RYR2: variants seen among roughly 807,000 people sequenced by gnomAD.
RYR2 encodes the protein cardiac muscle ryanodine receptor-calcium release channel.
RYR2 carries 227 observed loss-of-function variants against 601.1 expected under a neutral mutation model. That is an observed-to-expected ratio of 0.38 (90% CI 0.34 to 0.42). RYR2 has a LOEUF of 0.42. Among genes scored for constraint, RYR2 ranks in the 10% least tolerant of loss-of-function variants. The probability of loss-of-function intolerance (pLI) is 1.00; values close to 1 mark genes in which losing one functional copy is unlikely to be tolerated. For missense variants in RYR2, 4,646 were observed against 6,156.5 expected (o/e 0.75, Z 8.21); for synonymous variants, 2,223 against 2,175.1 (o/e 1.02, Z -0.61).
At chr1:237,588,476 C>T (rs371216380) in intron 29 of RYR2, among the ~76,000 whole-genome samples, 1 of 152,104 alleles carries the variant, frequency 6.6e-6, no homozygotes, top group East Asian at 1.9e-4. Context: ...AATTTGTAGT[C>T]TGCATTCCAA....
At chr1:237,187,965 C>T (rs1229580342) in intron 1 of RYR2, among the ~76,000 whole-genome samples, 26 of 152,188 alleles carry the variant, frequency 1.7e-4, no homozygotes, top group Non-Finnish European at 2.9e-5. Context: ...ATTGTGCATA[C>T]TTCTCAATGA....
chr1:237,098,240 C>A (rs1287942962), intron 1 of RYR2, among the ~76,000 whole-genome samples: 1 of 152,136 alleles, frequency 6.6e-6, no homozygotes, highest in Non-Finnish European at 1.5e-5. Context: ...ATTTTAATTT[C>A]TTCTCCAGCT....
Position 237,623,847 on chromosome 1 carries a change from A to G in RYR2, c.5999A>G (p.His2000Arg), listed in dbSNP as rs1679359996. The change falls in exon 39 of 105, where the codon CAT (histidine) becomes CGT (arginine). Residue 2000 changes from histidine (H) to arginine (R), a missense_variant. Transcript: ENST00000366574. Reference protein sequence around the residue: ...EEIRDQLLDFHEDLMTHCGIE... With the variant: ...EEIRDQLLDFREDLMTHCGIE... Reference sequence around the variant, plus strand: ...ATTCGTGACCAACTATTGGATTTCCATGAAGATTTGATGACACATTGTGGT... The same window carrying G: ...ATTCGTGACCAACTATTGGATTTCCGTGAAGATTTGATGACACATTGTGGT... 1.2e-6 allele frequency: 2 copies of G among 1,611,604 alleles called. No individual in the cohort carries two copies. The highest frequency in any genetic ancestry group is 1.1e-5 in the South Asian group (1 of 91,024).
chr1:237,161,137 A>T (rs910091412), intron 1 of RYR2, among the ~76,000 whole-genome samples: 3 of 152,146 alleles, frequency 2.0e-5, no homozygotes, highest in African/African-American at 7.2e-5. Flanking sequence ...ATTATGGGTA[A>T]AAAGAACCAT....
At chr1:237,115,540 T>C (rs1405424768) in intron 1 of RYR2, among the ~76,000 whole-genome samples, 2 of 152,094 alleles carry the variant, frequency 1.3e-5, no homozygotes, top group Non-Finnish European at 2.9e-5. Context: ...GATGGAAAAT[T>C]TTCTTTTTGA....
intron 88 of RYR2, among the ~76,000 whole-genome samples, chr1:237,780,264 G>T (rs994981672): frequency 4.0e-4 from 61 of 152,154 alleles, no homozygotes; most frequent in African/African-American, 1.4e-3. Context: ...AGCCCAATAG[G>T]GAAATTCCAG....
At chr1:237,687,308 C>G (rs1445892962) in intron 62 of RYR2, 147 bp from the exon 63 acceptor site, 3 of 622,812 alleles carry the variant, frequency 4.8e-6, no homozygotes, top group Admixed American at 3.1e-5. Flanking sequence ...TTCTGCGTGA[C>G]ATCATGTTGC....
chr1:237,169,308 CTT>C (rs869104559), intron 1 of RYR2, among the ~76,000 whole-genome samples: 2 of 60,006 alleles, frequency 3.3e-5, no homozygotes, highest in African/African-American at 9.0e-5. Context: ...TCTTCTTCTT[CTT>C]TTTTTTTGAG....
chr1:237,354,901 C>T lies in RYR2; in HGVS notation c.274-1064C>T, dbSNP rs146163395. ...CTGTTACAAGTAACCTATTGGATTT[C>T]ATTAGGGCTTCATAAAATTCTGCCT... is the stretch of plus-strand genomic sequence containing the variant. On this transcript the variant is annotated intron_variant, in intron 3 of 104. Transcript: ENST00000366574. Among the ~76,000 whole-genome samples the T allele has an allele frequency of 1.5e-3, 231 of 152,212 alleles. 3 individuals are homozygous for T. The highest frequency in any genetic ancestry group is 5.3e-3 in the African/African-American group (220 of 41,546).
intron 27 of RYR2, among the ~76,000 whole-genome samples, chr1:237,565,255 T>G (rs1321941244): frequency 6.8e-6 from 1 of 146,812 alleles, no homozygotes; most frequent in African/African-American, 2.5e-5. Context: ...TCTCTCTCTT[T>G]CTTTCTCTTT....
Position 237,614,481 on chromosome 1 carries a change from G to A in RYR2, c.5353G>A (p.Asp1785Asn). The change falls in exon 37 of 105, where the codon GAC becomes AAC. Residue 1785 changes from aspartate to asparagine, a missense_variant. Asp to Asn is a conservative substitution (Grantham distance 23). Around this residue, in one of 17 missense-constraint regions of RYR2, gnomAD observed 1,807 missense variants for 2,088.1 expected, o/e 0.87. Transcript: ENST00000366574. This position sits in a 1 kb window ranked among gnomAD's most constrained non-coding sequence, Gnocchi z 4.3. ...CYQYSPEFPL[D>N]ILKSKTIQML... The stretch of plus-strand genomic sequence containing the variant: ...CCAGTACAGTCCAGAGTTCCCACTG[G>A]ACATCCTCAAGTCCAAAACCATACA... 6.2e-7 allele frequency: 1 copy of A among 1,614,002 alleles called. No individual in the cohort carries two copies. The highest frequency in any genetic ancestry group is 8.5e-7 in the Non-Finnish European group (1 of 1,179,898).
At chr1:237,641,606 A>ATCTCAGC (rs1681553491) in intron 47 of RYR2, among the ~76,000 whole-genome samples, 1 of 150,030 alleles carries the variant, frequency 6.7e-6, no homozygotes, top group East Asian at 2.0e-4. Flanking sequence ...CAGTGGCATG[A>ATCTCAGC]TCTCAGCTCA....
At position 237,552,389 on chromosome 1, in the gene RYR2, G is replaced by A. The variant is rs758778195; in HGVS notation, c.3214+1698G>A. On this transcript the variant is annotated intron_variant, in intron 27 of 104. Coordinates refer to ENST00000366574, the MANE Select transcript of RYR2 (RefSeq NM_001035.3). ...TGTTTTAAAAACAATTTAAAAAATA[G>A]TTTTTAAATTGAATAGAAATTTGTA... 1.5e-4 allele frequency among the ~76,000 whole-genome samples: 23 copies of A among 152,150 alleles called. No homozygotes were observed. The South Asian group carries it at 2.5e-3, about 16-fold the overall frequency.
intron 16 of RYR2, among the ~76,000 whole-genome samples, chr1:237,458,286 G>A (rs773832179): frequency 2.6e-5 from 4 of 152,046 alleles, no homozygotes; most frequent in Non-Finnish European, 5.9e-5. Context: ...AAAATTAGCC[G>A]AGCGTGGTGG....
rs1207991883 is a variant in RYR2, at chr1:237,655,810, A to G, written c.7966-11A>G. 1.9e-6 allele frequency: 3 copies of G among 1,568,820 alleles called. No individual in the cohort carries two copies. The African/African-American group carries it at 4.1e-5, about 22-fold the overall frequency. Reference sequence around the variant, plus strand: ...TAGTAATTTTTTTTTTTGGTCCTCCATTTTTCCCAGAAATATGAACAAGAA... The same window carrying G: ...TAGTAATTTTTTTTTTTGGTCCTCCGTTTTTCCCAGAAATATGAACAAGAA... On this transcript the variant is annotated splice_polypyrimidine_tract_variant and intron_variant, in intron 52 of 104. Coordinates refer to ENST00000366574, the MANE Select transcript of RYR2 (RefSeq NM_001035.3).
At chr1:237,338,273 G>A (rs1460300632) in intron 3 of RYR2, among the ~76,000 whole-genome samples, 2 of 152,102 alleles carry the variant, frequency 1.3e-5, no homozygotes, top group East Asian at 1.9e-4. Flanking sequence ...CTTGCAAACC[G>A]ATCAATAGGA....
chr1:237,311,984 A>G (rs750406690), intron 2 of RYR2, among the ~76,000 whole-genome samples: 28 of 152,352 alleles, frequency 1.8e-4, no homozygotes, highest in Non-Finnish European at 4.1e-4. Flanking sequence ...ATGTGAAAGA[A>G]GTATTAGGAA....
At chr1:237,196,909 G>T (rs762160653) in intron 1 of RYR2, among the ~76,000 whole-genome samples, 12 of 152,018 alleles carry the variant, frequency 7.9e-5, no homozygotes, top group Non-Finnish European at 1.3e-4. Context: ...ACATGGTATA[G>T]CTCTACATTT....
In RYR2 at chr1:237,406,458, C is replaced by T. The variant is rs186829698; in HGVS notation, c.774-10591C>T. Among the ~76,000 whole-genome samples the T allele has an allele frequency of 2.6e-4, 39 of 151,158 alleles. No individual in the cohort carries two copies. The East Asian group carries it at 5.1e-3, about 20-fold the overall frequency. On this transcript the variant is annotated intron_variant, in intron 10 of 104. Coordinates refer to ENST00000366574, the MANE Select transcript of RYR2 (RefSeq NM_001035.3). ...ATATTTCTATATACTGTTGTTTTTA[C>T]GAAAGAATAGAAAGATAATAGTTCT...
Sources: allele counts gnomAD v4.1 joint callset (sites outside exome capture counted in the v4.1 genomes callset), GRCh38; gene constraint gnomAD v4.1.1; regional missense constraint gnomAD v4.1.1; non-coding constraint Gnocchi (gnomAD v3.1); transcripts MANE v1.5; gene names NCBI Gene and HGNC (gene_info 2026-07-23, HGNC 2026-07-21).